The following B4GALNT3 variants were observed in gnomAD, a reference collection of about 807,000 sequenced individuals.
B4GALNT3 encodes the protein beta-1,4-N-acetylgalactosaminyltransferase 3.
Under a neutral mutation model 120.2 loss-of-function variants are expected in B4GALNT3, and 86 were observed. The observed-to-expected ratio is 0.72, with a 90% CI of 0.60 to 0.86. The LOEUF is 0.86. Ranked by LOEUF, B4GALNT3 falls within the 40% of genes least tolerant of loss-of-function variation. The pLI, the probability that B4GALNT3 is intolerant of heterozygous loss-of-function variation, is 0.00. For synonymous variants in B4GALNT3, 518 were observed against 510.4 expected (o/e 1.01, Z -0.20); for missense variants, 1,167 against 1,298.9 (o/e 0.90, Z 1.56).
In B4GALNT3 at chr12:548,556, C is replaced by T. The variant is rs560259737; in HGVS notation, c.853+259C>T. ...AAAAATGCCCTTGTCTACCCACCCA[C>T]ACACAACATTTTGAATACAACTTCA... is the stretch of plus-strand genomic sequence containing the variant. On this transcript the variant is annotated intron_variant, in intron 9 of 19. Transcript: ENST00000266383. This position sits in a 1 kb window ranked among gnomAD's most constrained non-coding sequence, Gnocchi z 4.9. Among the ~76,000 whole-genome samples the T allele has an allele frequency of 1.8e-3, 272 of 152,294 alleles. 1 individual carries two copies. Among genetic ancestry groups the T allele is most frequent in the Middle Eastern group, 0.01 (3 of 294 alleles).
rs1165663251 is a variant in B4GALNT3 at position 553,903 on chromosome 12, T to C, written c.1980T>C (p.Ser660=). 3 of 1,614,158 alleles carry C rather than the reference T, an allele frequency of 1.9e-6. No homozygotes were observed. The Admixed American group carries it at 5.0e-5, about 27-fold the overall frequency. Residue 660 remains serine, a synonymous_variant, in exon 14 of 20, where the codon TCT becomes TCC. Transcript: ENST00000266383. Reference sequence around the variant, plus strand: ...GGATCGATCTGAGCTGTAACACATCTGGCAACCTGCTGCTTCCAGAGCAGG... The same window carrying C: ...GGATCGATCTGAGCTGTAACACATCCGGCAACCTGCTGCTTCCAGAGCAGG... ...TDWIDLSCNT[S]GNLLLPEQEA... is the part of the protein sequence containing the mutation.
At chr12:500,431 G>A (rs1946426892) in intron 1 of B4GALNT3, among the ~76,000 whole-genome samples, 1 of 152,188 alleles carries the variant, frequency 6.6e-6, no homozygotes, top group Non-Finnish European at 1.5e-5. Context: ...TTGTGGTTGT[G>A]GCTTGGTTTC....
chr12:491,171 A>G (rs1044996538), intron 1 of B4GALNT3, among the ~76,000 whole-genome samples: 1 of 152,194 alleles, frequency 6.6e-6, no homozygotes, highest in Admixed American at 6.5e-5. Flanking sequence ...TAAAAAGATT[A>G]TACATCATGG....
chr12:521,641 C>T (rs774591414), intron 1 of B4GALNT3, among the ~76,000 whole-genome samples: 10 of 152,168 alleles, frequency 6.6e-5, no homozygotes, highest in Non-Finnish European at 1.2e-4. Context: ...CACACAATCC[C>T]GGTATGCGGC....
rs1249935405 is a variant in B4GALNT3 at position 548,326 on chromosome 12, A to T, written c.853+29A>T. ...AGTAGGCTCTGGCCCTGCCCTGGAG[A>T]TGGAGGCCAGGTGGGGACAGCCTAC... On this transcript the variant is annotated intron_variant, in intron 9 of 19. Transcript: ENST00000266383. The surrounding 1 kb of genome is among the most constrained non-coding windows in gnomAD (Gnocchi z 4.9). 6.2e-7 allele frequency: 1 copy of T among 1,605,132 alleles called. No individual in the cohort carries two copies. The highest frequency in any genetic ancestry group is 1.7e-5 in the Admixed American group (1 of 59,968).
At position 543,282 on chromosome 12, in the gene B4GALNT3, G is replaced by A. The variant is rs538937215; in HGVS notation, c.352-1057G>A. The A allele has an allele frequency of 1.6e-5, 18 of 1,126,138 alleles. No homozygotes were observed. In the East Asian group the frequency reaches 4.1e-4, roughly 26 times the overall value. The allele number at this position is 1,126,138 out of a possible 1,614,324, so 69.8% of individuals were successfully genotyped here. On this transcript the variant is annotated intron_variant, in intron 3 of 19. Coordinates refer to ENST00000266383, the MANE Select transcript of B4GALNT3 (RefSeq NM_173593.4). ...GGACCCGCACAGTGAGAGGAGCACC[G>A]GCCCCTTTCTGCCCAGCCTCCCGGA... is the stretch of plus-strand genomic sequence containing the variant.
Position 460,581 on chromosome 12 carries a change from G to A in B4GALNT3, c.169+36G>A. 3.0e-6 allele frequency: 4 copies of A among 1,346,268 alleles called. No homozygotes were observed. The highest frequency in any genetic ancestry group is 2.9e-6 in the Non-Finnish European group (3 of 1,037,514). 83.4% of individuals were successfully genotyped at this position (1,346,268 alleles called of 1,614,324 possible). ...CCCAGGGGAGGCGAAGGGCGCGGGG[G>A]TGGGCGGCGGCGGCGGCTCCTGCGT... On this transcript the variant is annotated intron_variant, in intron 1 of 19. Coordinates refer to ENST00000266383, the MANE Select transcript of B4GALNT3 (RefSeq NM_173593.4). This position sits in a 1 kb window ranked among gnomAD's most constrained non-coding sequence, Gnocchi z 8.0.
chr12:510,374 G>A (rs1946533985), intron 1 of B4GALNT3, among the ~76,000 whole-genome samples: 1 of 150,830 alleles, frequency 6.6e-6, no homozygotes, highest in African/African-American at 2.4e-5. Flanking sequence ...TCCTTGGGGT[G>A]AGAAAGCACA....
At chr12:532,090 G>A (rs1946814242) in intron 1 of B4GALNT3, among the ~76,000 whole-genome samples, 1 of 152,130 alleles carries the variant, frequency 6.6e-6, no homozygotes, top group Non-Finnish European at 1.5e-5. Flanking sequence ...CCAGGCATGA[G>A]CCACCACGCC....
At chr12:489,338 A>C (rs925076491) in intron 1 of B4GALNT3, among the ~76,000 whole-genome samples, 78 of 152,016 alleles carry the variant, frequency 5.1e-4, no homozygotes, top group Admixed American at 1.8e-3. Context: ...AAAAAAAAAA[A>C]AAACCCACAA....
chr12:549,882 C>T lies in B4GALNT3; in HGVS notation c.967C>T (p.Arg323Trp), dbSNP rs759647929. 45 of 1,613,450 alleles carry T rather than the reference C, an allele frequency of 2.8e-5. No homozygotes were observed. The highest frequency in any genetic ancestry group is 4.5e-5 in the East Asian group (2 of 44,882). The change falls in exon 10 of 20, where the codon CGG becomes TGG. Residue 323 changes from arginine (R) to tryptophan (W), a missense_variant. Coordinates refer to ENST00000266383, the MANE Select transcript of B4GALNT3 (RefSeq NM_173593.4). ...RDEQPPADML[R>W]PDPRDTLYRV... ...TGAGCAGCCGCCCGCTGACATGCTT[C>T]GGCCTGACCCCCGGGACACCCTCTA...
At chr12:529,229 T>C (rs909671597) in intron 1 of B4GALNT3, among the ~76,000 whole-genome samples, 1 of 152,196 alleles carries the variant, frequency 6.6e-6, no homozygotes, top group Non-Finnish European at 1.5e-5. Context: ...CACCCACTGC[T>C]TCCACTTCTT....
At chr12:558,470 C>G in intron 17 of B4GALNT3, 38 bp from the exon 18 acceptor site, 1 of 1,602,674 alleles carries the variant, frequency 6.2e-7, no homozygotes. Context: ...TAGCTCTGGT[C>G]TGCAGGGTCT....
At chr12:474,427 C>T (rs1277185485) in intron 1 of B4GALNT3, among the ~76,000 whole-genome samples, 1 of 152,184 alleles carries the variant, frequency 6.6e-6, no homozygotes, top group Non-Finnish European at 1.5e-5. Context: ...TGTTTGTCTT[C>T]CCCCATGAGA....
At chr12:481,370 T>C (rs998433706) in intron 1 of B4GALNT3, among the ~76,000 whole-genome samples, 1 of 152,214 alleles carries the variant, frequency 6.6e-6, no homozygotes. Context: ...TTCCTTGGTG[T>C]GCCTTAGGAT....
At chr12:521,758 C>T (rs1004240662) in intron 1 of B4GALNT3, among the ~76,000 whole-genome samples, 2 of 152,160 alleles carry the variant, frequency 1.3e-5, no homozygotes, top group African/African-American at 2.4e-5. Context: ...TCTACGTGCT[C>T]GCTCTAAGTT....
At chr12:472,225 AG>A (rs1258162349) in intron 1 of B4GALNT3, among the ~76,000 whole-genome samples, 3 of 152,226 alleles carry the variant, frequency 2.0e-5, no homozygotes, top group Non-Finnish European at 4.4e-5. Context: ...CCTGAGGGCC[AG>A]GTTGCTGAGT....
At position 536,230 on chromosome 12, in the gene B4GALNT3, G is replaced by C. The variant is rs1443956387; in HGVS notation, c.286G>C (p.Asp96His). ...ATTCTTCCCCTAGGACCACGACATT[G>C]ACCAAGGGGTGAGCAGTAACAGCAG... is the stretch of plus-strand genomic sequence containing the variant. ...QRLSLEDHDI[D>H]QGVSSNSSYL... is the part of the protein sequence containing the mutation. The change falls in exon 3 of 20, where the codon GAC (aspartate) becomes CAC (histidine). Residue 96 changes from aspartate (D) to histidine (H), a missense_variant. This residue lies in a region of B4GALNT3 where 171 missense variants were observed against 161.3 expected (regional missense o/e 1.06). Transcript: ENST00000266383. 6.2e-7 allele frequency: 1 copy of C among 1,614,048 alleles called. No individual in the cohort carries two copies.
chr12:554,083 C>T (rs11063566), intron 14 of B4GALNT3, 100 bp downstream of exon 14: 320,162 of 808,378 alleles, frequency 0.4, 65,536 homozygotes, highest in South Asian at 0.51. Context: ...TTCCCCCAGC[C>T]GCGGAAATAG....
Sources: gnomAD v4.1 joint callset for allele counts (sites outside exome capture counted in the v4.1 genomes callset) on GRCh38, gnomAD v4.1.1 for gene constraint, gnomAD v4.1.1 regional missense constraint, Gnocchi (gnomAD v3.1) non-coding constraint, MANE v1.5 for transcripts, NCBI Gene and HGNC (gene_info 2026-07-23, HGNC 2026-07-21) for gene names.